Variants in CTNNA2 observed in about 807,000 individuals in gnomAD.
The protein encoded by CTNNA2 is catenin alpha 2.
A neutral mutation model predicts 101.0 loss-of-function variants in CTNNA2; 42 were observed. The observed-to-expected ratio is 0.42, with a 90% CI of 0.32 to 0.54. CTNNA2 has a LOEUF of 0.54. CTNNA2 is among the 20% of genes least tolerant of loss of function. The pLI is 0.14. For synonymous variants in CTNNA2, 450 were observed against 456.4 expected, an observed-to-expected ratio of 0.99 and a Z score of 0.18; for missense variants, 871 against 1,223.1, an observed-to-expected ratio of 0.71 and a Z score of 4.29.
intron 2 of CTNNA2, among the ~76,000 whole-genome samples, chr2:79,719,853 TC>T (rs1396631171): frequency 3.9e-5 from 6 of 152,190 alleles, no homozygotes; most frequent in Admixed American, 1.3e-4. Context: ...GCCTGTTTAC[TC>T]TATCTACTGT....
chr2:79,372,081 G>T (rs1297236747), intron 3 of CTNNA2, among the ~76,000 whole-genome samples: 1 of 152,100 alleles, frequency 6.6e-6, no homozygotes, highest in Non-Finnish European at 1.5e-5. Context: ...CCCTTGCCTG[G>T]ACAATTACAT....
intron 7 of CTNNA2, among the ~76,000 whole-genome samples, chr2:80,339,760 C>A (rs1672069851): frequency 6.6e-6 from 1 of 152,098 alleles, no homozygotes; most frequent in Non-Finnish European, 1.5e-5. Flanking sequence ...AGAAACAAAC[C>A]ATTTATTAAC....
At position 80,021,424 on chromosome 2, in the gene CTNNA2, G is replaced by A. The variant is rs143522793; in HGVS notation, c.1056+111627G>A. On this transcript the variant is annotated intron_variant, in intron 7 of 18. Transcript: ENST00000402739. ...ATCCCTGACTGCATTACCTGCTGAT[G>A]ATTGGTAGGATTGTAAGTGGTGTGC... 5.9e-5 allele frequency among the ~76,000 whole-genome samples: 9 copies of A among 152,256 alleles called. 2 individuals carry two copies. In the East Asian group the frequency reaches 1.7e-3, roughly 29 times the overall value.
chr2:79,553,717 G>A (rs56110026), intron 1 of CTNNA2, among the ~76,000 whole-genome samples: 32,396 of 152,068 alleles, frequency 0.21, 3,636 homozygotes, highest in Middle Eastern at 0.29. Context: ...AACAACAGGG[G>A]GATGTCTGCC....
intron 2 of CTNNA2, among the ~76,000 whole-genome samples, chr2:79,268,534 G>T (rs937802917): frequency 6.6e-6 from 1 of 152,118 alleles, no homozygotes; most frequent in Non-Finnish European, 1.5e-5. Context: ...TCAAGAGGGG[G>T]TGAGGGGAAC....
chr2:79,894,635 T>A (rs1272451445), intron 6 of CTNNA2, among the ~76,000 whole-genome samples: 1 of 152,198 alleles, frequency 6.6e-6, no homozygotes, highest in South Asian at 2.1e-4. Flanking sequence ...CTTCCTTCCC[T>A]TCTTTTCTGA....
At chr2:80,097,483 C>T (rs1271638293) in intron 7 of CTNNA2, among the ~76,000 whole-genome samples, 1 of 152,064 alleles carries the variant, frequency 6.6e-6, no homozygotes, top group African/African-American at 2.4e-5. Flanking sequence ...AATTATGTGT[C>T]TTGGAGTTGC....
chr2:79,269,986 T>A (rs1265534505), intron 2 of CTNNA2, among the ~76,000 whole-genome samples: 2 of 152,240 alleles, frequency 1.3e-5, no homozygotes, highest in Middle Eastern at 3.4e-3. Context: ...ATAGGAGTGG[T>A]GAATTAAAGT....
chr2:80,311,036 A>T (rs116616058), intron 7 of CTNNA2, among the ~76,000 whole-genome samples: 3,028 of 152,104 alleles, frequency 0.02, 84 homozygotes, highest in African/African-American at 0.06. Flanking sequence ...ATGAACATGA[A>T]GTCACCTAAA....
At chr2:79,535,084 A>G (rs934205989) in intron 1 of CTNNA2, among the ~76,000 whole-genome samples, 13 of 152,194 alleles carry the variant, frequency 8.5e-5, no homozygotes, top group African/African-American at 3.1e-4. Flanking sequence ...AAAGAGATAA[A>G]CTATTCATGC....
chr2:79,794,235 AG>A (rs561856769), intron 3 of CTNNA2, among the ~76,000 whole-genome samples: 1 of 152,224 alleles, frequency 6.6e-6, no homozygotes, highest in Non-Finnish European at 1.5e-5. Context: ...AAGCAGATAT[AG>A]GGATTTATGG....
At chr2:80,070,810 T>C (rs1308293500) in intron 7 of CTNNA2, among the ~76,000 whole-genome samples, 1 of 151,888 alleles carries the variant, frequency 6.6e-6, no homozygotes, top group African/African-American at 2.4e-5. Context: ...GGGGGGAATC[T>C]CATCTCCTTT....
chr2:79,767,033 C>A (rs987889363), intron 3 of CTNNA2, among the ~76,000 whole-genome samples: 1 of 151,936 alleles, frequency 6.6e-6, no homozygotes, highest in African/African-American at 2.4e-5. Flanking sequence ...GGATTACAGG[C>A]GTGAGCCACT....
At chr2:79,362,086 C>G (rs1677643894) in intron 3 of CTNNA2, among the ~76,000 whole-genome samples, 1 of 152,166 alleles carries the variant, frequency 6.6e-6, no homozygotes, top group African/African-American at 2.4e-5. Flanking sequence ...TGGTGGTCAG[C>G]AAATGTCCCA....
intron 4 of CTNNA2, among the ~76,000 whole-genome samples, chr2:79,381,611 A>G (rs955513043): frequency 2.2e-4 from 34 of 152,342 alleles, no homozygotes; most frequent in Admixed American, 7.8e-4. Context: ...GGAAGAGGCT[A>G]CTTTGCAGAC....
chr2:80,349,585 C>T (rs1673094957), intron 7 of CTNNA2, among the ~76,000 whole-genome samples: 1 of 152,076 alleles, frequency 6.6e-6, no homozygotes, highest in Non-Finnish European at 1.5e-5. Flanking sequence ...CAGGTCTCCC[C>T]TCAGTTTGTC....
At chr2:79,813,486 G>A (rs1677212452) in intron 3 of CTNNA2, among the ~76,000 whole-genome samples, 1 of 152,164 alleles carries the variant, frequency 6.6e-6, no homozygotes, top group Non-Finnish European at 1.5e-5. Context: ...GTTCAGAGTT[G>A]AGGTTGAACA....
At chr2:79,825,140 G>T (rs1286872426) in intron 3 of CTNNA2, among the ~76,000 whole-genome samples, 1 of 152,268 alleles carries the variant, frequency 6.6e-6, no homozygotes, top group African/African-American at 2.4e-5. Flanking sequence ...CGGAAGCTAG[G>T]ATTGTGCCAC....
chr2:79,567,849 G>T (rs1558736408), intron 1 of CTNNA2, among the ~76,000 whole-genome samples: 1 of 152,102 alleles, frequency 6.6e-6, no homozygotes, highest in Non-Finnish European at 1.5e-5. Context: ...CAAACTGGAG[G>T]CTCTAATCAG....
Sources: gnomAD v4.1 joint callset for allele counts (sites outside exome capture counted in the v4.1 genomes callset) on GRCh38, gnomAD v4.1.1 for gene constraint, MANE v1.5 for transcripts, NCBI Gene and HGNC (gene_info 2026-07-23, HGNC 2026-07-21) for gene names.